The following TRPM3 variants were observed in gnomAD, a reference collection of about 807,000 sequenced individuals.
TRPM3 encodes long transient receptor potential channel 3.
A neutral mutation model predicts 181.2 loss-of-function variants in TRPM3; 77 were observed. The observed-to-expected ratio is 0.42, with a 90% CI of 0.35 to 0.51. The LOEUF is 0.51. Among genes scored for constraint, TRPM3 ranks in the 20% least tolerant of loss-of-function variants. TRPM3 has a pLI of 0.01. For missense variants in TRPM3, 1,759 were observed against 2,196.7 expected (o/e 0.80, Z 3.98); for synonymous variants, 745 against 796.4 (o/e 0.94, Z 1.09).
At chr9:70,588,128 C>T (rs907324029) in intron 22 of TRPM3, among the ~76,000 whole-genome samples, 3 of 152,174 alleles carry the variant, frequency 2.0e-5, no homozygotes, top group Non-Finnish European at 4.4e-5. Context: ...GACTTTACAG[C>T]GACTCCATTT....
At chr9:71,420,642 AGAGAAAGAGAAAGAAAAAGAGAAAGAAAG>A (rs1464256403) in intron 1 of TRPM3, among the ~76,000 whole-genome samples, 4 of 135,126 alleles carry the variant, frequency 3.0e-5, no homozygotes, top group Admixed American at 7.3e-5. Context: ...AGAAAAAGAG[AGAGAAAGAGAAAGAAAAAGAGAAAGAAAG>A]AGAGAAAGAA....
chr9:71,359,061 C>G (rs2092027376), intron 1 of TRPM3, among the ~76,000 whole-genome samples: 1 of 152,106 alleles, frequency 6.6e-6, no homozygotes, highest in Non-Finnish European at 1.5e-5. Flanking sequence ...GAAATGAAAG[C>G]CAAGAATCAT....
Position 70,632,138 on chromosome 9 carries a change from GA to G in TRPM3, c.1632+3072del, listed in dbSNP as rs567113350. ...AATTATTATTATTTTCTTTAATTTT[GA>G]AAATTGCTTTAAGTTCCCAAGATTT... On this transcript the variant is annotated intron_variant, in intron 12 of 25. Coordinates refer to ENST00000677713, the MANE Select transcript of TRPM3 (RefSeq NM_001366145.2). 2.3e-3 allele frequency among the ~76,000 whole-genome samples: 343 copies of G among 152,108 alleles called. 1 individual carries two copies. Among genetic ancestry groups the G allele is most frequent in the Non-Finnish European group, 3.3e-3 (224 of 67,988 alleles).
intron 1 of TRPM3, among the ~76,000 whole-genome samples, chr9:71,357,562 T>G (rs1044503759): frequency 6.6e-6 from 1 of 152,050 alleles, no homozygotes; most frequent in Non-Finnish European, 1.5e-5. Context: ...AGTCTCTAAT[T>G]AACAGCATGC....
chr9:71,056,418 A>G (rs1448060801), intron 1 of TRPM3, among the ~76,000 whole-genome samples: 1 of 151,918 alleles, frequency 6.6e-6, no homozygotes, highest in African/African-American at 2.4e-5. Context: ...TCATAAATAT[A>G]AAGATTAGGC....
chr9:70,998,467 T>C (rs1590436167), intron 1 of TRPM3, among the ~76,000 whole-genome samples: 1 of 151,890 alleles, frequency 6.6e-6, no homozygotes, highest in East Asian at 1.9e-4. Flanking sequence ...CTGAGGGAGG[T>C]GAATTTTGTT....
intron 1 of TRPM3, among the ~76,000 whole-genome samples, chr9:71,344,162 T>C (rs1378745558): frequency 6.6e-6 from 1 of 151,932 alleles, no homozygotes; most frequent in African/African-American, 2.4e-5. Context: ...AAAAATTAAC[T>C]GGGGCAGCTG....
At chr9:71,010,986 T>C (rs1427188630) in intron 1 of TRPM3, among the ~76,000 whole-genome samples, 1 of 150,828 alleles carries the variant, frequency 6.6e-6, no homozygotes, top group East Asian at 1.9e-4. Context: ...CCATAAAACA[T>C]AATAAAATCC....
At chr9:70,920,023 G>A (rs1048239314) in intron 1 of TRPM3, among the ~76,000 whole-genome samples, 2 of 152,140 alleles carry the variant, frequency 1.3e-5, no homozygotes, top group Admixed American at 6.5e-5. Context: ...AATATAGGTA[G>A]TTTTCTCTTA....
At chr9:70,818,080 A>T (rs948662115) in intron 6 of TRPM3, among the ~76,000 whole-genome samples, 2 of 152,158 alleles carry the variant, frequency 1.3e-5, no homozygotes, top group Non-Finnish European at 2.9e-5. Context: ...TTTATTGAGG[A>T]TGTCAGTGGT....
intron 1 of TRPM3, among the ~76,000 whole-genome samples, chr9:70,955,348 G>C (rs770987808): frequency 1.3e-5 from 2 of 152,072 alleles, no homozygotes; most frequent in African/African-American, 4.8e-5. Context: ...TAGTTCCCTT[G>C]TCTCATCCAA....
At chr9:71,080,836 G>A (rs555946468) in intron 1 of TRPM3, among the ~76,000 whole-genome samples, 1 of 152,268 alleles carries the variant, frequency 6.6e-6, no homozygotes, top group South Asian at 2.1e-4. Context: ...CTGAATTTTT[G>A]TTTTGCATCA....
intron 1 of TRPM3, among the ~76,000 whole-genome samples, chr9:71,215,047 C>CAAAAAAAAA (rs72383590): frequency 1.8e-5 from 2 of 112,560 alleles, no homozygotes; most frequent in Admixed American, 8.9e-5. Context: ...AAAAAAAAAA[C>CAAAAAAAAA]AAAAAAAAAA....
chr9:70,970,076 C>T (rs1403731950), intron 1 of TRPM3, among the ~76,000 whole-genome samples: 2 of 151,876 alleles, frequency 1.3e-5, no homozygotes, highest in Non-Finnish European at 1.5e-5. Flanking sequence ...TGTCTGAATC[C>T]CAATGCAACA....
chr9:71,271,201 C>G (rs566514531), intron 1 of TRPM3, among the ~76,000 whole-genome samples: 2 of 152,216 alleles, frequency 1.3e-5, no homozygotes, highest in African/African-American at 2.4e-5. Context: ...ACGAACCTAC[C>G]CTGTCACGTG....
intron 9 of TRPM3, among the ~76,000 whole-genome samples, chr9:70,678,749 T>C (rs892352851): frequency 6.6e-6 from 1 of 152,240 alleles, no homozygotes; most frequent in Non-Finnish European, 1.5e-5. Flanking sequence ...AAACTAAATG[T>C]AACAATTTGG....
intron 1 of TRPM3, among the ~76,000 whole-genome samples, chr9:71,199,086 T>C (rs1256383519): frequency 1.3e-5 from 2 of 150,826 alleles, no homozygotes; most frequent in Admixed American, 6.6e-5. Context: ...GCATGAAGGG[T>C]TGTTGAATTT....
intron 22 of TRPM3, among the ~76,000 whole-genome samples, chr9:70,585,396 C>T (rs1400100691): frequency 1.3e-5 from 2 of 152,060 alleles, no homozygotes; most frequent in Non-Finnish European, 2.9e-5. Context: ...GGTGGTTGAT[C>T]CCTAAATCTC....
At chr9:71,011,746 G>A (rs1489883697) in intron 1 of TRPM3, among the ~76,000 whole-genome samples, 1 of 149,764 alleles carries the variant, frequency 6.7e-6, no homozygotes, top group Non-Finnish European at 1.5e-5. Flanking sequence ...ACCCATATAG[G>A]GGTCATACAG....
Sources: allele counts gnomAD v4.1 joint callset (sites outside exome capture counted in the v4.1 genomes callset), GRCh38; gene constraint gnomAD v4.1.1; transcripts MANE v1.5; gene names NCBI Gene and HGNC (gene_info 2026-07-23, HGNC 2026-07-21).